FHIT: variants seen among roughly 807,000 people sequenced by gnomAD.
FHIT encodes the protein fragile histidine triad diadenosine triphosphatase, also known as bis(5'-adenosyl)-triphosphatase.
In FHIT, 19 loss-of-function variants were observed where a neutral mutation model predicts 17.9. The observed-to-expected ratio is 1.06, with a 90% CI of 0.74 to 1.56. FHIT has a LOEUF of 1.56. Ranked by LOEUF, FHIT falls within the 40% of genes most tolerant of loss-of-function variation. The probability of loss-of-function intolerance (pLI) is 0.00; values close to 1 mark genes in which losing one functional copy is unlikely to be tolerated. For missense variants in FHIT, 248 were observed against 189.2 expected (o/e 1.31, Z -1.82); for synonymous variants, 81 against 69.7 (o/e 1.16, Z -0.81).
chr3:61,123,397 T>C (rs2036516639), intron 2 of FHIT, among the ~76,000 whole-genome samples: 1 of 152,066 alleles, frequency 6.6e-6, no homozygotes, highest in Admixed American at 6.6e-5. Flanking sequence ...AAATACCTAA[T>C]GTAGATGACA....
intron 4 of FHIT, among the ~76,000 whole-genome samples, chr3:60,702,144 G>A (rs1275232260): frequency 2.6e-5 from 4 of 152,140 alleles, no homozygotes; most frequent in Admixed American, 1.3e-4. Flanking sequence ...GATTATAGGC[G>A]TGAGCCACTG....
At chr3:60,566,352 A>T (rs2037133478) in intron 4 of FHIT, among the ~76,000 whole-genome samples, 1 of 152,184 alleles carries the variant, frequency 6.6e-6, no homozygotes, top group Non-Finnish European at 1.5e-5. Context: ...AACCAACGAC[A>T]AAAACCACAT....
At chr3:60,151,605 C>A (rs549699169) in intron 5 of FHIT, among the ~76,000 whole-genome samples, 99 of 152,252 alleles carry the variant, frequency 6.5e-4, no homozygotes, top group African/African-American at 2.3e-3. Flanking sequence ...TCCATCTAAT[C>A]CCAATTCCTA....
intron 2 of FHIT, among the ~76,000 whole-genome samples, chr3:61,085,373 T>C (rs1485591269): frequency 2.6e-5 from 4 of 152,164 alleles, no homozygotes; most frequent in Non-Finnish European, 5.9e-5. Flanking sequence ...TGGTATATAA[T>C]AATATTTCAT....
At chr3:59,935,674 AATGGATGGGTGG>A (rs1320768210) in intron 7 of FHIT, among the ~76,000 whole-genome samples, 1 of 151,650 alleles carries the variant, frequency 6.6e-6, no homozygotes, top group Admixed American at 6.6e-5. Context: ...TGGATGGGTG[AATGGATGGGTGG>A]ATGGATGAAT....
chr3:60,389,209 G>C (rs935830671), intron 5 of FHIT, among the ~76,000 whole-genome samples: 8 of 152,090 alleles, frequency 5.3e-5, no homozygotes, highest in Non-Finnish European at 1.0e-4. Flanking sequence ...TCCCAGACTT[G>C]TTATGTTAGA....
chr3:60,131,990 C>G (rs1265683389), intron 5 of FHIT, among the ~76,000 whole-genome samples: 1 of 152,180 alleles, frequency 6.6e-6, no homozygotes, highest in Non-Finnish European at 1.5e-5. Flanking sequence ...AGTTGTCAAA[C>G]AGACTGAGCT....
At position 59,954,697 on chromosome 3, in the gene FHIT, A is replaced by G. The variant is rs527723588; in HGVS notation, c.280-32283T>C. On this transcript the variant is annotated intron_variant, in intron 7 of 9. Transcript: ENST00000492590. The stretch of plus-strand genomic sequence containing the variant: ...ATGTTGAACATGTTCCAGAAAACTC[A>G]AGACCAGAGTAGCACTGAGAAGTAG... 6.6e-5 allele frequency among the ~76,000 whole-genome samples: 10 copies of G among 152,314 alleles called. No individual in the cohort carries two copies. The East Asian group carries it at 1.9e-3, about 29-fold the overall frequency.
At chr3:59,860,041 G>T (rs1702340226) in intron 8 of FHIT, among the ~76,000 whole-genome samples, 1 of 152,166 alleles carries the variant, frequency 6.6e-6, no homozygotes, top group South Asian at 2.1e-4. Context: ...GAATGAAAGA[G>T]AATTAAAATG....
intron 3 of FHIT, among the ~76,000 whole-genome samples, chr3:60,997,945 A>G (rs1222243478): frequency 6.6e-6 from 1 of 152,216 alleles, no homozygotes; most frequent in East Asian, 1.9e-4. Context: ...ATCAGAAATA[A>G]CAGCCTATAT....
chr3:59,787,244 C>T (rs558984009), intron 8 of FHIT, among the ~76,000 whole-genome samples: 97 of 152,274 alleles, frequency 6.4e-4, no homozygotes, highest in Non-Finnish European at 1.1e-3. Context: ...AGTCCCAGGT[C>T]TGTATGACTC....
At chr3:60,264,850 C>CT (rs35629879) in intron 5 of FHIT, among the ~76,000 whole-genome samples, 20,395 of 151,908 alleles carry the variant, frequency 0.13, 1,858 homozygotes, top group Non-Finnish European at 0.18. Context: ...GTTTCTCAAT[C>CT]TTTTTTTCAT....
intron 5 of FHIT, among the ~76,000 whole-genome samples, chr3:60,296,914 A>C (rs1460401986): frequency 2.1e-5 from 2 of 97,304 alleles, no homozygotes; most frequent in Non-Finnish European, 4.1e-5. Context: ...TTGCTTTTTT[A>C]TTTTTGCAAA....
intron 5 of FHIT, among the ~76,000 whole-genome samples, chr3:60,145,236 C>T (rs1700192748): frequency 6.6e-6 from 1 of 152,048 alleles, no homozygotes; most frequent in Non-Finnish European, 1.5e-5. Context: ...TGTGAATACA[C>T]AAGGTTTTTT....
chr3:60,406,568 T>G (rs532308970), intron 5 of FHIT, among the ~76,000 whole-genome samples: 1 of 152,252 alleles, frequency 6.6e-6, no homozygotes, highest in Non-Finnish European at 1.5e-5. Context: ...CTGTATGTTT[T>G]GTGGATCAAG....
intron 5 of FHIT, among the ~76,000 whole-genome samples, chr3:60,332,450 T>C (rs1710029826): frequency 6.6e-6 from 1 of 152,196 alleles, no homozygotes; most frequent in African/African-American, 2.4e-5. Context: ...AAACTGATTA[T>C]GAATGAAGAA....
chr3:60,173,385 G>A (rs1293890993), intron 5 of FHIT, among the ~76,000 whole-genome samples: 1 of 152,136 alleles, frequency 6.6e-6, no homozygotes, highest in Non-Finnish European at 1.5e-5. Context: ...ACCCTGGTAT[G>A]AATTAGACTG....
intron 3 of FHIT, among the ~76,000 whole-genome samples, chr3:60,936,511 G>T (rs938382629): frequency 1.3e-5 from 2 of 152,080 alleles, no homozygotes. Context: ...AAATGTTAAG[G>T]GTCTATTCAT....
At chr3:61,190,331 T>C (rs2038673470) in intron 2 of FHIT, among the ~76,000 whole-genome samples, 4 of 152,014 alleles carry the variant, frequency 2.6e-5, no homozygotes, top group Admixed American at 2.0e-4. Context: ...CATGAAAAAA[T>C]GCTCATCATC....
Sources: allele counts gnomAD v4.1 joint callset (sites outside exome capture counted in the v4.1 genomes callset), GRCh38; gene constraint gnomAD v4.1.1; transcripts MANE v1.5; gene names NCBI Gene and HGNC (gene_info 2026-07-23, HGNC 2026-07-21).